AGBL4: variants seen among roughly 807,000 people sequenced by gnomAD.
AGBL4 encodes the protein AGBL carboxypeptidase 4, also known as cytosolic carboxypeptidase 6.
In AGBL4, 58 loss-of-function variants were observed where a neutral mutation model predicts 66.4. The ratio of observed to expected loss-of-function variants is 0.87; its 90% CI spans 0.71 to 1.09. The LOEUF (loss-of-function observed/expected upper bound fraction) is 1.09. Among genes scored for constraint, AGBL4 ranks in the 50% least tolerant of loss-of-function variants. The pLI, the probability that AGBL4 is intolerant of heterozygous loss-of-function variation, is 0.00. For missense variants in AGBL4, 579 were observed against 631.0 expected (o/e 0.92, Z 0.88); for synonymous variants, 234 against 222.9 (o/e 1.05, Z -0.44).
At chr1:48,783,355 G>A (rs1645340856) in intron 6 of AGBL4, among the ~76,000 whole-genome samples, 1 of 152,120 alleles carries the variant, frequency 6.6e-6, no homozygotes, top group African/African-American at 2.4e-5. Flanking sequence ...TTTTGGGCAG[G>A]GGAAGAGAAT....
At chr1:48,663,054 A>T in intron 7 of AGBL4, 98 bp downstream of exon 7, 1 of 1,109,394 alleles carries the variant, frequency 9.0e-7, no homozygotes, top group Non-Finnish European at 1.3e-6. Flanking sequence ...ATTTCCATTT[A>T]AGATAATGGC....
intron 6 of AGBL4, among the ~76,000 whole-genome samples, chr1:48,686,065 T>A (rs1213443132): frequency 6.6e-6 from 1 of 152,152 alleles, no homozygotes; most frequent in Non-Finnish European, 1.5e-5. Flanking sequence ...TCCAAATCCC[T>A]ATGAGATAGC....
intron 4 of AGBL4, among the ~76,000 whole-genome samples, chr1:49,163,746 A>C (rs1465375462): frequency 6.6e-6 from 1 of 152,240 alleles, no homozygotes; most frequent in African/African-American, 2.4e-5. Flanking sequence ...GCTTAAAAGG[A>C]GGCTAAAGAA....
At chr1:48,702,437 G>A (rs1646816850) in intron 6 of AGBL4, among the ~76,000 whole-genome samples, 1 of 152,022 alleles carries the variant, frequency 6.6e-6, no homozygotes, top group African/African-American at 2.4e-5. Flanking sequence ...GATTACAGGT[G>A]CCCACAACTA....
intron 4 of AGBL4, chr1:49,187,220 C>G: frequency 6.6e-6 from 1 of 152,038 alleles, no homozygotes; most frequent in East Asian, 1.9e-4. Context: ...ACACAATATG[C>G]CTCTCTCTTG....
intron 2 of AGBL4, among the ~76,000 whole-genome samples, chr1:49,792,197 G>A (rs370247081): frequency 2.6e-5 from 4 of 151,824 alleles, no homozygotes; most frequent in African/African-American, 4.8e-5. Flanking sequence ...CACTAGCTTC[G>A]GGGGAGCCAT....
At chr1:49,074,797 G>T (rs979919220) in intron 4 of AGBL4, among the ~76,000 whole-genome samples, 1 of 152,060 alleles carries the variant, frequency 6.6e-6, no homozygotes, top group Non-Finnish European at 1.5e-5. Context: ...ACTAGTCTGG[G>T]GGATCTTCTA....
Position 49,644,618 on chromosome 1 carries a change from G to A in AGBL4, c.282+52695C>T, listed in dbSNP as rs548516011. On this transcript the variant is annotated intron_variant, in intron 3 of 13. Coordinates refer to ENST00000371839, the MANE Select transcript of AGBL4 (RefSeq NM_032785.4). ...ATAACAGAGTTTTGAAAATCCTGAA[G>A]TGAAACTGGTAAAAGCTTCTAGGAG... Among the ~76,000 whole-genome samples the A allele has an allele frequency of 6.6e-5, 10 of 151,546 alleles. No homozygotes were observed. In the South Asian group the frequency reaches 1.9e-3, roughly 28 times the overall value.
At chr1:48,612,687 TAAAAAAC>T (rs1276521393) in intron 9 of AGBL4, among the ~76,000 whole-genome samples, 2 of 152,224 alleles carry the variant, frequency 1.3e-5, no homozygotes, top group East Asian at 3.8e-4. Flanking sequence ...AAAGTGCTTT[TAAAAAAC>T]AGAAATACAC....
chr1:49,361,493 T>A (rs967262645), intron 3 of AGBL4, among the ~76,000 whole-genome samples: 5 of 152,118 alleles, frequency 3.3e-5, no homozygotes, highest in African/African-American at 1.2e-4. Flanking sequence ...CCCATCTAAT[T>A]TTTTTGCATT....
chr1:49,871,571 A>G (rs979573141), intron 1 of AGBL4, among the ~76,000 whole-genome samples: 2 of 152,112 alleles, frequency 1.3e-5, no homozygotes, highest in African/African-American at 2.4e-5. Flanking sequence ...AGTTTTTGAC[A>G]TTAAGTCACC....
intron 5 of AGBL4, among the ~76,000 whole-genome samples, chr1:48,896,227 G>A (rs1651493080): frequency 6.6e-6 from 1 of 152,050 alleles, no homozygotes; most frequent in Non-Finnish European, 1.5e-5. Context: ...TTAAAACTCA[G>A]ATCTCACCTT....
rs372355863 is a variant in AGBL4, at chr1:49,723,268, A to G, written c.158-25831T>C. Among the ~76,000 whole-genome samples the G allele has an allele frequency of 5.3e-5, 8 of 152,168 alleles. No individual in the cohort carries two copies. In the South Asian group the frequency reaches 8.3e-4, roughly 16 times the overall value. ...TTGGCTCAAATAAGCTCTCTATATT[A>G]ATTTTGCCTCAGTTTATTTATTTAG... On this transcript the variant is annotated intron_variant, in intron 2 of 13. Coordinates refer to ENST00000371839, the MANE Select transcript of AGBL4 (RefSeq NM_032785.4).
intron 3 of AGBL4, among the ~76,000 whole-genome samples, chr1:49,284,514 A>C (rs1259140615): frequency 6.6e-6 from 1 of 152,198 alleles, no homozygotes; most frequent in African/African-American, 2.4e-5. Context: ...TCAAATTCAC[A>C]TATAACAATA....
intron 4 of AGBL4, among the ~76,000 whole-genome samples, chr1:49,157,853 T>C (rs535985632): frequency 4.6e-5 from 7 of 152,230 alleles, no homozygotes; most frequent in Non-Finnish European, 1.0e-4. Context: ...TTTTTTCATA[T>C]ATTTCTTAGC....
intron 11 of AGBL4, among the ~76,000 whole-genome samples, chr1:48,548,955 GCTAGGATA>G (rs1328571815): frequency 6.6e-6 from 1 of 152,152 alleles, no homozygotes; most frequent in Non-Finnish European, 1.5e-5. Flanking sequence ...TGTTCTAGGA[GCTAGGATA>G]CAACAAAGAG....
At chr1:49,899,535 T>A (rs962676159) in intron 1 of AGBL4, among the ~76,000 whole-genome samples, 1 of 151,942 alleles carries the variant, frequency 6.6e-6, no homozygotes, top group Non-Finnish European at 1.5e-5. Context: ...TAGGTTCACA[T>A]CCCTTCTGGG....
chr1:48,693,799 C>T (rs529401456), intron 6 of AGBL4, among the ~76,000 whole-genome samples: 5 of 152,286 alleles, frequency 3.3e-5, no homozygotes, highest in South Asian at 2.1e-4. Flanking sequence ...CACTGACAGC[C>T]TTCCGTGACT....
chr1:48,600,677 C>T (rs1645062095), intron 9 of AGBL4, among the ~76,000 whole-genome samples: 1 of 152,168 alleles, frequency 6.6e-6, no homozygotes, highest in Non-Finnish European at 1.5e-5. Context: ...GTGTTTCTGA[C>T]CTGGGGCTAA....
Sources: allele counts gnomAD v4.1 joint callset (sites outside exome capture counted in the v4.1 genomes callset), GRCh38; gene constraint gnomAD v4.1.1; transcripts MANE v1.5; gene names NCBI Gene and HGNC (gene_info 2026-07-23, HGNC 2026-07-21).